TLE7: variants seen among roughly 807,000 people sequenced by gnomAD.
The protein encoded by TLE7 is TLE family member 7.
chr16:71,431,868 C>T lies in TLE7; in HGVS notation c.744G>A (p.Thr248=), dbSNP rs1372936763. 5.0e-6 allele frequency: 2 copies of T among 400,754 alleles called. No homozygotes were observed. Among genetic ancestry groups the T allele is most frequent in the African/African-American group, 2.1e-5 (1 of 48,778 alleles). The allele number at this position is 400,754 out of a possible 1,614,324, so 24.8% of individuals were successfully genotyped here. A position where few individuals can be genotyped will look rare whatever the true frequency, so the allele number is the denominator to read the frequency against. ...TPQVRAQLTS[T]GPTCYSLAVS... Reference sequence around the variant, plus strand: ...CAGCCAGAGAATAGCACGTGGGGCCCGTCGAGGTCAGCTGTGCCCTGACCT... The same window carrying T: ...CAGCCAGAGAATAGCACGTGGGGCCTGTCGAGGTCAGCTGTGCCCTGACCT... The change falls in exon 6 of 10, where the codon ACG becomes ACA. Residue 248 remains threonine, a synonymous_variant. Transcript: ENST00000561754. This position sits in a 1 kb window ranked among gnomAD's most constrained non-coding sequence, Gnocchi z 4.5.
At chr16:71,432,610 T>A (rs2042810515) in intron 4 of TLE7, 55 bp downstream of exon 4, 1 of 398,808 alleles carries the variant, frequency 2.5e-6, no homozygotes, top group Admixed American at 4.4e-5. Context: ...ACATGGTTTC[T>A]TGATTGGGGG....
In TLE7 at chr16:71,432,248, A is replaced by G. The variant is rs1249373611; in HGVS notation, c.471T>C (p.His157=). The G allele has an allele frequency of 2.7e-5, 11 of 400,612 alleles. No homozygotes were observed. Among genetic ancestry groups the G allele is most frequent in the African/African-American group, 1.8e-4 (9 of 48,674 alleles). The allele number at this position is 400,612 out of a possible 1,614,324, so 24.8% of individuals were successfully genotyped here. ...TGGCCACAGCGTAGACTCTCTTTCC[A>G]TGGAAGAGTGTGCCAACCTTCCAGG... ...QGSWKVGTLF[H]GKRVYAVAIS... is the part of the protein sequence containing the mutation. The change falls in exon 5 of 10, where the codon CAT becomes CAC. Residue 157 remains histidine (H), a synonymous_variant. Coordinates refer to ENST00000561754, the MANE Select transcript of TLE7 (RefSeq NM_001367365.2).
chr16:71,439,187 T>C (rs1457766161), intron 1 of TLE7, among the ~76,000 whole-genome samples: 1 of 151,812 alleles, frequency 6.6e-6, no homozygotes, highest in Non-Finnish European at 1.5e-5. Context: ...GAAAGTGACA[T>C]GGTGGAGGAG....
chr16:71,431,319 C>T lies in TLE7; in HGVS notation c.994-45G>A, dbSNP rs148551801. ...TGAGGTCAGCACTCAAAGTTGCCAA[C>T]GCCATCCTTTGTGCCCACCTCTCAA... On this transcript the variant is annotated intron_variant, in intron 7 of 9. Coordinates refer to ENST00000561754, the MANE Select transcript of TLE7 (RefSeq NM_001367365.2). The surrounding 1 kb of genome is among the most constrained non-coding windows in gnomAD (Gnocchi z 4.5). The T allele has an allele frequency of 4.6e-4, 182 of 399,196 alleles. 1 individual carries two copies. Among genetic ancestry groups the T allele is most frequent in the Middle Eastern group, 3.2e-3 (6 of 1,884 alleles). The allele number at this position is 399,196 out of a possible 1,614,324, so 24.7% of individuals were successfully genotyped here. A position where few individuals can be genotyped will look rare whatever the true frequency, so the allele number is the denominator to read the frequency against.
At chr16:71,440,404 G>T (rs2042842564) in intron 1 of TLE7, among the ~76,000 whole-genome samples, 1 of 152,182 alleles carries the variant, frequency 6.6e-6, no homozygotes, top group Non-Finnish European at 1.5e-5. Context: ...CTTGAACCCA[G>T]GAGGCAGAGG....
At chr16:71,440,482 GA>G (rs35302768) in intron 1 of TLE7, among the ~76,000 whole-genome samples, 53,066 of 149,534 alleles carry the variant, frequency 0.35, 11,400 homozygotes, top group African/African-American at 0.6. Context: ...CGCCTCAAAA[GA>G]AAAAAAAAAT....
intron 4 of TLE7, 62 bp from the exon 5 acceptor site, chr16:71,432,387 C>T: frequency 2.5e-6 from 1 of 398,264 alleles, no homozygotes; most frequent in Non-Finnish European, 4.4e-6. Context: ...GGACAGTCCA[C>T]CCCGTCTTCC....
chr16:71,436,588 C>A lies in TLE7; in HGVS notation c.-96-3168G>T, dbSNP rs560932497. On this transcript the variant is annotated intron_variant, in intron 1 of 9. Transcript: ENST00000561754. ...ATTCAAACCACCCTACAAGAGCCAG[C>A]GTCTGTGCAAAGATGGGGAGTTGAG... 4.6e-5 allele frequency among the ~76,000 whole-genome samples: 7 copies of A among 152,340 alleles called. No homozygotes were observed. In the South Asian group the frequency reaches 1.5e-3, roughly 32 times the overall value.
In TLE7 at chr16:71,435,336, G is replaced by A. The variant is rs113867898; in HGVS notation, c.-96-1916C>T. The stretch of plus-strand genomic sequence containing the variant: ...TGAGGCAGGAGAATTGCTTGAACCC[G>A]GGAGGCGGAGGTTGCAGTGAGCCGA... On this transcript the variant is annotated intron_variant, in intron 1 of 9. Transcript: ENST00000561754. 9.3e-4 allele frequency among the ~76,000 whole-genome samples: 142 copies of A among 152,210 alleles called. 1 individual carries two copies. The highest frequency in any genetic ancestry group is 3.4e-3 in the Middle Eastern group (1 of 294).
chr16:71,441,917 C>T, intron 1 of TLE7, 52 bp downstream of exon 1: 1 of 152,410 alleles, frequency 6.6e-6, no homozygotes, highest in Non-Finnish European at 1.5e-5. Flanking sequence ...GGGCCGATGG[C>T]GGGGTGGGGA....
At position 71,433,443 on chromosome 16, in the gene TLE7, C is replaced by T. The variant is rs953689794; in HGVS notation, c.-96-23G>A. On this transcript the variant is annotated intron_variant, in intron 1 of 9. Coordinates refer to ENST00000561754, the MANE Select transcript of TLE7 (RefSeq NM_001367365.2). ...CCCCTGTAAGGTGAAAAAAAAGAGA[C>T]GCAGCTATGCACATGTGCTCTGTAG... is the stretch of plus-strand genomic sequence containing the variant. The T allele has an allele frequency of 5.3e-5, 21 of 397,508 alleles. No homozygotes were observed. The East Asian group carries it at 5.3e-4, about 10-fold the overall frequency. 24.6% of individuals were successfully genotyped at this position (397,508 alleles called of 1,614,324 possible).
At chr16:71,441,374 C>A (rs930939771) in intron 1 of TLE7, among the ~76,000 whole-genome samples, 1 of 152,266 alleles carries the variant, frequency 6.6e-6, no homozygotes, top group Admixed American at 6.5e-5. Context: ...CGTGCGCCAC[C>A]GCGTTGCAAT....
intron 1 of TLE7, among the ~76,000 whole-genome samples, chr16:71,439,667 A>C (rs1038260015): frequency 1.3e-5 from 2 of 152,340 alleles, no homozygotes; most frequent in African/African-American, 4.8e-5. Flanking sequence ...CACATGTAAT[A>C]GATCACTTCA....
chr16:71,431,534 G>T lies in TLE7; in HGVS notation c.880C>A (p.Arg294=), dbSNP rs1319627391. The change falls in exon 7 of 10, where the codon CGA becomes AGA. Residue 294 remains arginine, a synonymous_variant. Coordinates refer to ENST00000561754, the MANE Select transcript of TLE7 (RefSeq NM_001367365.2). This position sits in a 1 kb window ranked among gnomAD's most constrained non-coding sequence, Gnocchi z 4.5. The part of the protein sequence containing the change: ...RKHEVPVYGS[R]CVDITGNIFW... ...ATATTGCCGGTGATGTCCACACATC[G>T]GGACCCGTATACAGGAACTTCGTGC... 4 of 400,720 alleles carry T rather than the reference G, an allele frequency of 1.0e-5. No homozygotes were observed. The East Asian group carries it at 1.4e-4, about 14-fold the overall frequency. The allele number at this position is 400,720 out of a possible 1,614,324, so 24.8% of individuals were successfully genotyped here. A position where few individuals can be genotyped will look rare whatever the true frequency, so the allele number is the denominator to read the frequency against.
At chr16:71,439,975 T>A (rs1438113690) in intron 1 of TLE7, among the ~76,000 whole-genome samples, 1 of 152,160 alleles carries the variant, frequency 6.6e-6, no homozygotes, top group South Asian at 2.1e-4. Flanking sequence ...AATTGAAGAA[T>A]GGATCAAAAT....
chr16:71,441,041 G>C (rs535906736), intron 1 of TLE7, among the ~76,000 whole-genome samples: 10 of 152,298 alleles, frequency 6.6e-5, no homozygotes, highest in Admixed American at 6.5e-4. Flanking sequence ...CCCTGCCATG[G>C]GAAGTTTGCA....
At chr16:71,434,430 T>C (rs539887951) in intron 1 of TLE7, among the ~76,000 whole-genome samples, 160 of 152,166 alleles carry the variant, frequency 1.1e-3, no homozygotes, top group African/African-American at 3.6e-3. Context: ...TCAGGAGCCT[T>C]AGGGATGGGA....
At chr16:71,435,863 C>A (rs1027478105) in intron 1 of TLE7, among the ~76,000 whole-genome samples, 3 of 152,218 alleles carry the variant, frequency 2.0e-5, no homozygotes, top group African/African-American at 4.8e-5. Context: ...CATGGAAACT[C>A]CCAGCAGAGA....
rs937846423 is a variant in TLE7 at position 71,432,184 on chromosome 16, C to T, written c.535G>A (p.Gly179Ser). The T allele has an allele frequency of 4.7e-5, 19 of 400,822 alleles. No homozygotes were observed. The highest frequency in any genetic ancestry group is 1.3e-4 in the South Asian group (1 of 7,958). 24.8% of individuals were successfully genotyped at this position (400,822 alleles called of 1,614,324 possible). A position where few individuals can be genotyped will look rare whatever the true frequency, so the allele number is the denominator to read the frequency against. ...CTCTCATCCCATACCCTGATGTAGCCAGAGCCACACGTGTACACGTGGTGG... is the reference window on the plus strand; with the variant it reads ...CTCTCATCCCATACCCTGATGTAGCTAGAGCCACACGTGTACACGTGGTGG... ...STHHVYTCGS[G>S]YIRVWDESAL... The change falls in exon 5 of 10, where the codon GGC (glycine) becomes AGC (serine). Residue 179 changes from glycine (G) to serine (S), a missense_variant. Gly to Ser is a moderately conservative substitution (Grantham distance 56). Transcript: ENST00000561754.
Sources: gnomAD v4.1 joint callset for allele counts (sites outside exome capture counted in the v4.1 genomes callset) on GRCh38, gnomAD v4.1.1 for gene constraint, Gnocchi (gnomAD v3.1) non-coding constraint, MANE v1.5 for transcripts, NCBI Gene and HGNC (gene_info 2026-07-23, HGNC 2026-07-21) for gene names.